Variants in CNTNAP2 observed in about 807,000 individuals in gnomAD.
CNTNAP2 encodes contactin-associated protein-like 2.
Under a neutral mutation model 155.2 loss-of-function variants are expected in CNTNAP2, and 98 were observed. The ratio of observed to expected loss-of-function variants is 0.63; its 90% CI spans 0.54 to 0.75. CNTNAP2 has a LOEUF of 0.75. CNTNAP2 is among the 30% of genes least tolerant of loss of function. The probability of loss-of-function intolerance (pLI) is 0.00; values close to 1 mark genes in which losing one functional copy is unlikely to be tolerated. For synonymous variants in CNTNAP2, 651 were observed against 631.2 expected (o/e 1.03, Z -0.47); for missense variants, 1,727 against 1,688.1 (o/e 1.02, Z -0.40).
intron 1 of CNTNAP2, among the ~76,000 whole-genome samples, chr7:146,639,110 G>A (rs1799661866): frequency 6.6e-6 from 1 of 152,190 alleles, no homozygotes. Context: ...ACATCATTAG[G>A]CAGCGTAGGC....
intron 1 of CNTNAP2, among the ~76,000 whole-genome samples, chr7:146,633,243 A>G (rs1279116690): frequency 1.3e-5 from 2 of 152,206 alleles, no homozygotes; most frequent in Non-Finnish European, 2.9e-5. Context: ...TCTAATTAAA[A>G]TAAGAAGTTT....
At chr7:147,538,353 C>A (rs1799583681) in intron 11 of CNTNAP2, among the ~76,000 whole-genome samples, 1 of 151,988 alleles carries the variant, frequency 6.6e-6, no homozygotes, top group South Asian at 2.1e-4. Context: ...AAACAAACAA[C>A]AACAAAAAAC....
chr7:146,183,391 C>G (rs112784308), intron 1 of CNTNAP2, among the ~76,000 whole-genome samples: 2,326 of 152,134 alleles, frequency 0.015, 52 homozygotes, highest in African/African-American at 0.052. Context: ...CTGGAACTTT[C>G]ATGGCCTTCC....
intron 12 of CNTNAP2, among the ~76,000 whole-genome samples, chr7:147,601,644 A>AAAAAAAATAT (rs1299075338): frequency 2.3e-5 from 2 of 87,466 alleles, no homozygotes; most frequent in African/African-American, 8.6e-5. Flanking sequence ...CTTAAAAAAA[A>AAAAAAAATAT]ATATATATAT....
At chr7:146,337,000 A>G (rs1489034481) in intron 1 of CNTNAP2, among the ~76,000 whole-genome samples, 2 of 152,162 alleles carry the variant, frequency 1.3e-5, no homozygotes, top group African/African-American at 2.4e-5. Flanking sequence ...GGTAGTGCCT[A>G]TACCTTACAC....
intron 1 of CNTNAP2, among the ~76,000 whole-genome samples, chr7:146,296,846 A>G (rs946702833): frequency 6.6e-6 from 1 of 152,162 alleles, no homozygotes; most frequent in Non-Finnish European, 1.5e-5. Context: ...ATATATATGT[A>G]TGAAGACTTA....
chr7:147,209,456 T>G (rs1803092639), intron 8 of CNTNAP2, among the ~76,000 whole-genome samples: 1 of 152,038 alleles, frequency 6.6e-6, no homozygotes, highest in African/African-American at 2.4e-5. Context: ...CCCTGAAACT[T>G]TATCGAATTA....
chr7:147,012,900 T>C (rs1422906803), intron 3 of CNTNAP2, among the ~76,000 whole-genome samples: 1 of 152,148 alleles, frequency 6.6e-6, no homozygotes, highest in Non-Finnish European at 1.5e-5. Flanking sequence ...GCAGCCAGTG[T>C]AAACACAGAT....
At chr7:146,925,618 C>T (rs933035011) in intron 3 of CNTNAP2, among the ~76,000 whole-genome samples, 1 of 152,086 alleles carries the variant, frequency 6.6e-6, no homozygotes, top group East Asian at 1.9e-4. Flanking sequence ...GGGATGCTAA[C>T]TGTCCTTGCT....
chr7:148,001,080 T>C (rs1301487577), intron 15 of CNTNAP2, among the ~76,000 whole-genome samples: 3 of 152,208 alleles, frequency 2.0e-5, no homozygotes, highest in Non-Finnish European at 4.4e-5. Context: ...GCTAATTTAG[T>C]GTGATCTCAA....
intron 13 of CNTNAP2, among the ~76,000 whole-genome samples, chr7:147,807,794 T>A (rs1798115268): frequency 6.6e-6 from 1 of 152,118 alleles, no homozygotes; most frequent in Non-Finnish European, 1.5e-5. Context: ...CCCTAGTTGG[T>A]GATGTGAGCG....
chr7:147,936,106 T>C (rs907974631), intron 14 of CNTNAP2, among the ~76,000 whole-genome samples: 10 of 152,172 alleles, frequency 6.6e-5, no homozygotes, highest in Non-Finnish European at 1.3e-4. Context: ...CTTTAAAATA[T>C]ATATGTTGGT....
chr7:146,937,466 A>C (rs561911245), intron 3 of CNTNAP2, among the ~76,000 whole-genome samples: 4 of 152,278 alleles, frequency 2.6e-5, no homozygotes, highest in South Asian at 4.1e-4. Context: ...TTCTCACTAG[A>C]GTTAACTCCA....
intron 14 of CNTNAP2, among the ~76,000 whole-genome samples, chr7:147,938,395 G>T (rs1321267974): frequency 1.3e-5 from 2 of 151,882 alleles, no homozygotes; most frequent in East Asian, 1.9e-4. Context: ...ATACATAAAA[G>T]AACTTGGAAT....
rs114962010 is a variant in CNTNAP2, at chr7:146,993,087, G to A, written c.403-50820G>A. The stretch of plus-strand genomic sequence containing the variant: ...GAACGCAGGAGAGATGGAGGCAATA[G>A]AGCATGAGTAAAAGTTTATCATAAA... On this transcript the variant is annotated intron_variant, in intron 3 of 23. Transcript: ENST00000361727. 3.2e-3 allele frequency among the ~76,000 whole-genome samples: 486 copies of A among 152,282 alleles called. 3 individuals carry two copies. Among genetic ancestry groups the A allele is most frequent in the African/African-American group, 0.011 (461 of 41,562 alleles).
At chr7:146,774,950 T>C (rs73740862) in intron 2 of CNTNAP2, among the ~76,000 whole-genome samples, 1,887 of 152,308 alleles carry the variant, frequency 0.012, 45 homozygotes, top group African/African-American at 0.042. Flanking sequence ...TTTCAAATTT[T>C]CTAGCAATTC....
intron 3 of CNTNAP2, among the ~76,000 whole-genome samples, chr7:146,902,768 A>G (rs1462223216): frequency 6.6e-6 from 1 of 152,050 alleles, no homozygotes; most frequent in Non-Finnish European, 1.5e-5. Flanking sequence ...TCTTATCCCC[A>G]CCAATAAAGT....
intron 21 of CNTNAP2, among the ~76,000 whole-genome samples, chr7:148,378,237 G>T (rs1798990740): frequency 1.5e-5 from 1 of 68,144 alleles, no homozygotes; most frequent in East Asian, 4.3e-4. Context: ...CCCATCCGAA[G>T]AGAGCAGGAA....
chr7:148,410,403 C>A (rs1269684940), intron 23 of CNTNAP2, among the ~76,000 whole-genome samples: 2 of 151,960 alleles, frequency 1.3e-5, no homozygotes, highest in Non-Finnish European at 2.9e-5. Context: ...AACCCCATCT[C>A]TAAAAATACA....
Sources: allele counts gnomAD v4.1 joint callset (sites outside exome capture counted in the v4.1 genomes callset), GRCh38; gene constraint gnomAD v4.1.1; transcripts MANE v1.5; gene names NCBI Gene and HGNC (gene_info 2026-07-23, HGNC 2026-07-21).